Variants in ARHGAP22 observed in about 807,000 individuals in gnomAD.
The protein encoded by ARHGAP22 is Rho GTPase activating protein 22, also known as rho GTPase-activating protein 22.
Under a neutral mutation model 59.1 loss-of-function variants are expected in ARHGAP22, and 48 were observed. The ratio of observed to expected loss-of-function variants is 0.81; its 90% CI spans 0.64 to 1.03. The LOEUF is 1.03. Ranked by LOEUF, ARHGAP22 falls within the 50% of genes least tolerant of loss-of-function variation. ARHGAP22 has a pLI of 0.00. For synonymous variants in ARHGAP22, 445 were observed against 416.4 expected (o/e 1.07, Z -0.84); for missense variants, 1,015 against 958.7 (o/e 1.06, Z -0.78).
chr10:48,557,347 A>G (rs12358315), intron 2 of ARHGAP22, among the ~76,000 whole-genome samples: 23,263 of 152,144 alleles, frequency 0.15, 1,878 homozygotes, highest in Admixed American at 0.23. Flanking sequence ...GTACAAGGAG[A>G]GTAACAATAT....
At chr10:48,524,232 CCGCGGCT>C (rs1479747541) in intron 3 of ARHGAP22, 55 of 462,438 alleles carry the variant, frequency 1.2e-4, no homozygotes, top group African/African-American at 1.0e-3. Context: ...GACCGCCGGC[CCGCGGCT>C]CCCGGGCCCT....
At chr10:48,590,149 T>G in intron 1 of ARHGAP22, among the ~76,000 whole-genome samples, 1 of 150,380 alleles carries the variant, frequency 6.6e-6, no homozygotes, top group African/African-American at 2.5e-5. Context: ...GGAGGGGGAG[T>G]ACAGCAAAGA....
chr10:48,619,856 A>G (rs2061222104), intron 1 of ARHGAP22, among the ~76,000 whole-genome samples: 1 of 152,238 alleles, frequency 6.6e-6, no homozygotes, highest in Non-Finnish European at 1.5e-5. Flanking sequence ...ATAAGATTAC[A>G]TCAGACTAAA....
the ARHGAP22 span, chr10:48,439,388 T>C: frequency 6.6e-6 from 1 of 151,656 alleles, no homozygotes; most frequent in African/African-American, 2.4e-5. Flanking sequence ...GAAAACAAAA[T>C]CTGTTTGTGG....
At chr10:48,611,318 C>T (rs941806460) in intron 1 of ARHGAP22, among the ~76,000 whole-genome samples, 4 of 152,134 alleles carry the variant, frequency 2.6e-5, no homozygotes, top group Admixed American at 1.3e-4. Flanking sequence ...GAGGCTGAGA[C>T]GAAAGAGTGA....
At chr10:48,572,316 T>C (rs748250526) in intron 2 of ARHGAP22, among the ~76,000 whole-genome samples, 10 of 152,246 alleles carry the variant, frequency 6.6e-5, no homozygotes, top group Non-Finnish European at 1.2e-4. Context: ...AAAACAATTG[T>C]AGTTCACCGT....
At chr10:48,572,164 A>G (rs765902919) in intron 2 of ARHGAP22, among the ~76,000 whole-genome samples, 2 of 144,404 alleles carry the variant, frequency 1.4e-5, no homozygotes, top group Non-Finnish European at 3.0e-5. Context: ...ACCAAATTAT[A>G]AATAAGACCC....
At chr10:48,557,770 A>G (rs1369777876) in intron 2 of ARHGAP22, among the ~76,000 whole-genome samples, 1 of 152,210 alleles carries the variant, frequency 6.6e-6, no homozygotes, top group Non-Finnish European at 1.5e-5. Flanking sequence ...CAGGGGCCCT[A>G]GCACTGGCCC....
At chr10:48,625,380 C>T (rs1431243677) in intron 1 of ARHGAP22, among the ~76,000 whole-genome samples, 2 of 152,122 alleles carry the variant, frequency 1.3e-5, no homozygotes, top group East Asian at 3.9e-4. Context: ...AGCTGAGGGG[C>T]TGGAGTCCCA....
intron 1 of ARHGAP22, among the ~76,000 whole-genome samples, chr10:48,642,611 G>A (rs9732742): frequency 9.9e-5 from 15 of 152,162 alleles, no homozygotes; most frequent in Admixed American, 8.5e-4. Flanking sequence ...AGACTTAAAT[G>A]TTAGACCTAA....
At chr10:48,627,474 G>A (rs1374276762) in intron 1 of ARHGAP22, among the ~76,000 whole-genome samples, 1 of 152,174 alleles carries the variant, frequency 6.6e-6, no homozygotes, top group African/African-American at 2.4e-5. Context: ...ATCAGAGAGG[G>A]CAAGACAGGT....
Position 48,453,430 on chromosome 10 carries a change from A to G in ARHGAP22, c.867-5T>C. On this transcript the variant is annotated splice_polypyrimidine_tract_variant and splice_region_variant and intron_variant, in intron 7 of 9. Coordinates refer to ENST00000249601, the MANE Select transcript of ARHGAP22 (RefSeq NM_021226.4). Reference sequence around the variant, plus strand: ...GCCTGAACTTCATCCAGAAACCTGCAAAGTAAGGAAGCAGCAGTCATCAAA... The same window carrying G: ...GCCTGAACTTCATCCAGAAACCTGCGAAGTAAGGAAGCAGCAGTCATCAAA... 6.2e-7 allele frequency: 1 copy of G among 1,613,542 alleles called. No individual in the cohort carries two copies. Among genetic ancestry groups the G allele is most frequent in the Non-Finnish European group, 8.5e-7 (1 of 1,179,694 alleles).
chr10:48,549,664 T>C (rs1187249740), intron 3 of ARHGAP22, among the ~76,000 whole-genome samples: 2 of 152,182 alleles, frequency 1.3e-5, no homozygotes, highest in Middle Eastern at 3.2e-3. Flanking sequence ...CAGCATCTTA[T>C]ACATTATACG....
chr10:48,489,690 A>AC (rs1187110093), intron 3 of ARHGAP22, among the ~76,000 whole-genome samples: 2 of 147,074 alleles, frequency 1.4e-5, no homozygotes, highest in Admixed American at 1.4e-4. Flanking sequence ...CTGTGTTTCC[A>AC]CCCCATCCCA....
At chr10:48,655,097 C>T (rs7477517), upstream of ARHGAP22, among the ~76,000 whole-genome samples, 14 of 33,082 alleles carry the variant, frequency 4.2e-4, 3 homozygotes, top group African/African-American at 6.9e-4. Flanking sequence ...CTCTTCTCTT[C>T]TCTTCTCTTC....
At chr10:48,435,043 C>T in the ARHGAP22 span, 6 of 249,452 alleles carry the variant, frequency 2.4e-5, no homozygotes, top group East Asian at 1.1e-4. Flanking sequence ...CTTGGGCCAT[C>T]GGGGGGTGGG....
chr10:48,651,613 C>T (rs2062566974), intron 1 of ARHGAP22, among the ~76,000 whole-genome samples: 1 of 151,972 alleles, frequency 6.6e-6, no homozygotes, highest in African/African-American at 2.4e-5. Flanking sequence ...ACACAGCCCA[C>T]CCAACCATCA....
At position 48,446,609 on chromosome 10, in the gene ARHGAP22, C is replaced by T. The variant is rs748154070; in HGVS notation, c.1879G>A (p.Gly627Arg). The T allele has an allele frequency of 1.9e-6, 3 of 1,613,920 alleles. No homozygotes were observed. The highest frequency in any genetic ancestry group is 4.5e-5 in the East Asian group (2 of 44,886). Residue 627 changes from glycine (G) to arginine (R), a missense_variant, in exon 10 of 10, where the codon GGG (glycine) becomes AGG (arginine). Coordinates refer to ENST00000249601, the MANE Select transcript of ARHGAP22 (RefSeq NM_021226.4). ...ATTCGTTTTCTCAGGTCAGCACTCC[C>T]TTCTTCGATTCTGAAAAGTCAAGGA... ...YERSVKRIEE[G>R]SADLRKRMSR...
chr10:48,459,988 T>C (rs768603550), intron 4 of ARHGAP22, 97 bp from the exon 5 acceptor site: 195 of 1,277,994 alleles, frequency 1.5e-4, no homozygotes, highest in Non-Finnish European at 2.0e-4. Context: ...GGGCTAAAGG[T>C]GGCTCCTCCT....
Sources: gnomAD v4.1 joint callset for allele counts (sites outside exome capture counted in the v4.1 genomes callset) on GRCh38, gnomAD v4.1.1 for gene constraint, MANE v1.5 for transcripts, NCBI Gene and HGNC (gene_info 2026-07-23, HGNC 2026-07-21) for gene names.